Variants in PRR5 observed in about 807,000 individuals in gnomAD.
PRR5 encodes the protein proline-rich protein 5.
In PRR5, 25 loss-of-function variants were observed where a neutral mutation model predicts 30.6. The observed-to-expected ratio is 0.82, with a 90% CI of 0.60 to 1.14. PRR5 has a LOEUF of 1.14. PRR5 is among the 50% of genes most tolerant of loss of function. The pLI, the probability that PRR5 is intolerant of heterozygous loss-of-function variation, is 0.00. For missense variants in PRR5, 600 were observed against 547.1 expected, an observed-to-expected ratio of 1.10 and a Z score of -0.96; for synonymous variants, 286 against 247.1, an observed-to-expected ratio of 1.16 and a Z score of -1.48.
chr22:44,719,949 T>A (rs1929679249), intron 2 of PRR5, among the ~76,000 whole-genome samples: 1 of 152,222 alleles, frequency 6.6e-6, no homozygotes, highest in Non-Finnish European at 1.5e-5. Flanking sequence ...CTCTTGAGGC[T>A]GACATCCCAG....
upstream of PRR5, among the ~76,000 whole-genome samples, chr22:44,672,191 C>G (rs1420137802): frequency 1.3e-5 from 2 of 152,190 alleles, no homozygotes; most frequent in African/African-American, 2.4e-5. Flanking sequence ...GTCCCCTGCC[C>G]CAGAGGAGTA....
intron 1 of PRR5, among the ~76,000 whole-genome samples, chr22:44,680,734 A>C (rs971036691): frequency 1.6e-5 from 2 of 125,696 alleles, no homozygotes; most frequent in Non-Finnish European, 3.4e-5. Flanking sequence ...AGACCCCCCC[A>C]CACACACCAG....
chr22:44,737,430 C>T lies in PRR5; in HGVS notation c.*183C>T, dbSNP rs1028689990. The T allele has an allele frequency of 1.6e-5, 21 of 1,274,424 alleles. No individual in the cohort carries two copies. Among genetic ancestry groups the T allele is most frequent in the South Asian group, 6.8e-5 (4 of 58,826 alleles). The allele number at this position is 1,274,424 out of a possible 1,614,324, so 78.9% of individuals were successfully genotyped here. A position where few individuals can be genotyped will look rare whatever the true frequency, so the allele number is the denominator to read the frequency against. ...GGAAATACCATCAGCCTTCCTTGCT[C>T]GGCCCAGGTCTGTTTCAGGCATCTG... On this transcript the variant is annotated 3_prime_UTR_variant, in exon 8 of 8. Coordinates refer to ENST00000336985, the MANE Select transcript of PRR5 (RefSeq NM_181333.4).
chr22:44,674,673 A>AT (rs1308671008), upstream of PRR5, among the ~76,000 whole-genome samples: 2,822 of 151,472 alleles, frequency 0.019, 95 homozygotes, highest in African/African-American at 0.065. Context: ...GTGAGCCAAG[A>AT]CCGCCACTGC....
chr22:44,702,291 G>A lies in PRR5; in HGVS notation c.-184G>A, dbSNP rs1288202198. On this transcript the variant is annotated 5_prime_UTR_variant, in exon 1 of 8. Coordinates refer to ENST00000336985, the MANE Select transcript of PRR5 (RefSeq NM_181333.4). ...GTGCAATGATTAACCCGGCGGGGCG[G>A]CCGGCGCGGGACCCGAGACGGAGGC... The A allele has an allele frequency of 2.0e-5, 23 of 1,147,206 alleles. No homozygotes were observed. Among genetic ancestry groups the A allele is most frequent in the Non-Finnish European group, 2.2e-5 (20 of 929,826 alleles). The allele number at this position is 1,147,206 out of a possible 1,614,324, so 71.1% of individuals were successfully genotyped here. A position where few individuals can be genotyped will look rare whatever the true frequency, so the allele number is the denominator to read the frequency against.
intron 1 of PRR5, among the ~76,000 whole-genome samples, chr22:44,679,036 G>T (rs190020227): frequency 5.7e-4 from 87 of 152,250 alleles, no homozygotes; most frequent in Admixed American, 1.5e-3. Context: ...TCAGTGCCTT[G>T]GGGGGTCAGG....
intron 1 of PRR5, among the ~76,000 whole-genome samples, chr22:44,683,570 G>A (rs1202068769): frequency 6.6e-6 from 1 of 152,160 alleles, no homozygotes; most frequent in African/African-American, 2.4e-5. Context: ...GCACCCCGAA[G>A]GAGGGCAGGG....
chr22:44,696,069 A>G (rs1925722393), intron 1 of PRR5, among the ~76,000 whole-genome samples: 1 of 151,474 alleles, frequency 6.6e-6, no homozygotes, highest in Non-Finnish European at 1.5e-5. Flanking sequence ...GATTACAGGC[A>G]CACACCACCA....
At chr22:44,677,869 C>T (rs914339014) in intron 1 of PRR5, among the ~76,000 whole-genome samples, 9 of 152,240 alleles carry the variant, frequency 5.9e-5, no homozygotes, top group Non-Finnish European at 2.9e-5. Flanking sequence ...TTCTTTCTCA[C>T]GGCCTCACAT....
chr22:44,712,192 C>A (rs1602025953), intron 1 of PRR5, among the ~76,000 whole-genome samples: 2 of 152,248 alleles, frequency 1.3e-5, no homozygotes, highest in East Asian at 3.9e-4. Context: ...AGGTAGAGAG[C>A]CCGTGTCCCC....
rs1413177932 is a variant in PRR5, at chr22:44,731,972, C to T, written c.414+151C>T. 3 of 928,646 alleles carry T rather than the reference C, an allele frequency of 3.2e-6. No homozygotes were observed. In the Admixed American group the frequency reaches 7.9e-5, roughly 24 times the overall value. The allele number at this position is 928,646 out of a possible 1,614,324, so 57.5% of individuals were successfully genotyped here. A position where few individuals can be genotyped will look rare whatever the true frequency, so the allele number is the denominator to read the frequency against. ...TTGGGCTACCTGAGTTGCTCAGAGC[C>T]TGTTTCCACCCCTTCAAGCTGCAGA... On this transcript the variant is annotated intron_variant, in intron 5 of 7. Coordinates refer to ENST00000336985, the MANE Select transcript of PRR5 (RefSeq NM_181333.4).
At chr22:44,725,373 G>A (rs1920926897) in intron 3 of PRR5, 81 bp downstream of exon 3, 2 of 1,582,018 alleles carry the variant, frequency 1.3e-6, no homozygotes, top group African/African-American at 1.3e-5. Context: ...GCCCCCGGGG[G>A]TGTGGAGCGC....
chr22:44,723,463 T>C (rs1930241423), intron 2 of PRR5, among the ~76,000 whole-genome samples: 1 of 151,990 alleles, frequency 6.6e-6, no homozygotes. Context: ...CTCACGCCTG[T>C]AATCCCAGCA....
chr22:44,714,745 G>A, intron 2 of PRR5, 74 bp downstream of exon 2: 2 of 1,572,734 alleles, frequency 1.3e-6, no homozygotes, highest in Admixed American at 1.7e-5. Context: ...GAAGGCCCCA[G>A]CCAGGCCCCT....
At chr22:44,724,848 G>A (rs989914582) in intron 2 of PRR5, among the ~76,000 whole-genome samples, 15 of 152,314 alleles carry the variant, frequency 9.8e-5, no homozygotes, top group Admixed American at 2.0e-4. Context: ...CTCTGCAGGC[G>A]GAGAGAGGAG....
intron 1 of PRR5, among the ~76,000 whole-genome samples, chr22:44,690,833 G>A (rs912293483): frequency 5.3e-5 from 8 of 152,090 alleles, no homozygotes; most frequent in Non-Finnish European, 1.2e-4. Flanking sequence ...TGGGCACTTT[G>A]TCTCCTGGTT....
At chr22:44,705,545 T>A (rs1457752323) in intron 1 of PRR5, among the ~76,000 whole-genome samples, 1 of 152,022 alleles carries the variant, frequency 6.6e-6, no homozygotes, top group Admixed American at 6.6e-5. Context: ...GGCTAGTCTC[T>A]AACTCCTGAC....
At chr22:44,693,123 T>C (rs531738201) in intron 1 of PRR5, among the ~76,000 whole-genome samples, 2 of 152,202 alleles carry the variant, frequency 1.3e-5, no homozygotes, top group South Asian at 4.1e-4. Flanking sequence ...ATTTGTGTCC[T>C]GGGCCTGCCA....
chr22:44,688,552 C>T (rs1924961891), intron 1 of PRR5, among the ~76,000 whole-genome samples: 1 of 152,162 alleles, frequency 6.6e-6, no homozygotes, highest in Non-Finnish European at 1.5e-5. Context: ...TGGGGGGCAG[C>T]AACAGTCTAC....
Sources: gnomAD v4.1 joint callset for allele counts (sites outside exome capture counted in the v4.1 genomes callset) on GRCh38, gnomAD v4.1.1 for gene constraint, MANE v1.5 for transcripts, NCBI Gene and HGNC (gene_info 2026-07-23, HGNC 2026-07-21) for gene names.